The following TRAPPC13 variants were observed in gnomAD, a reference collection of about 807,000 sequenced individuals.
TRAPPC13 encodes the protein trafficking protein particle complex subunit 13.
Under a neutral mutation model 54.0 loss-of-function variants are expected in TRAPPC13, and 39 were observed. The ratio of observed to expected loss-of-function variants is 0.72; its 90% CI spans 0.56 to 0.94. TRAPPC13 has a LOEUF of 0.94. Among genes scored for constraint, TRAPPC13 ranks in the 40% least tolerant of loss-of-function variants. The probability of loss-of-function intolerance (pLI) is 0.00; values close to 1 mark genes in which losing one functional copy is unlikely to be tolerated. For synonymous variants in TRAPPC13, 148 were observed against 167.7 expected, an observed-to-expected ratio of 0.88 and a Z score of 0.91; for missense variants, 386 against 488.1, an observed-to-expected ratio of 0.79 and a Z score of 1.97.
chr5:65,662,371 ATTTG>A, intron 11 of TRAPPC13: 1 of 224,794 alleles, frequency 4.4e-6, no homozygotes, highest in South Asian at 1.2e-4. Context: ...TATTTCATTC[ATTTG>A]TCACACCCTA....
chr5:65,643,113 C>T (rs1025362898), intron 4 of TRAPPC13, among the ~76,000 whole-genome samples: 6 of 151,570 alleles, frequency 4.0e-5, no homozygotes, highest in African/African-American at 1.5e-4. Flanking sequence ...TCGTATTTCA[C>T]CTTCTACCCA....
At chr5:65,647,232 T>G (rs1358392202) in intron 5 of TRAPPC13, 50 bp downstream of exon 5, 1 of 1,505,592 alleles carries the variant, frequency 6.6e-7, no homozygotes, top group Non-Finnish European at 8.9e-7. Flanking sequence ...ATATATGCCT[T>G]TGTTTGAAAT....
In TRAPPC13 at chr5:65,665,348, AG is replaced by A. The variant is rs1757003533; in HGVS notation, c.*738del. 1.3e-5 allele frequency: 2 copies of A among 152,166 alleles called. No individual in the cohort carries two copies. Among genetic ancestry groups the A allele is most frequent in the Non-Finnish European group, 1.5e-5 (1 of 68,030 alleles). 9.4% of individuals were successfully genotyped at this position (152,166 alleles called of 1,614,324 possible). A position where few individuals can be genotyped will look rare whatever the true frequency, so the allele number is the denominator to read the frequency against. ...TCCTAGCTATTCGGTCAGCAGAAAAAGTTTGCTTAAAACAAAGGGGGTAGTC... is the reference window on the plus strand; with the variant it reads ...TCCTAGCTATTCGGTCAGCAGAAAAATTTGCTTAAAACAAAGGGGGTAGTC... On this transcript the variant is annotated 3_prime_UTR_variant, in exon 13 of 13. Transcript: ENST00000399438.
chr5:65,636,144 CT>C (rs5868412), intron 3 of TRAPPC13, 101 bp downstream of exon 3: 23,886 of 500,830 alleles, frequency 0.048, no homozygotes, highest in East Asian at 0.091. Flanking sequence ...ATACATTTAC[CT>C]TTTTTTTTTT....
rs1031038287 is a variant in TRAPPC13, at chr5:65,625,084, G to C, written c.24G>C (p.Gln8His). 1 of 1,613,718 alleles carries C rather than the reference G, an allele frequency of 6.2e-7. No individual in the cohort carries two copies. Among genetic ancestry groups the C allele is most frequent in the Non-Finnish European group, 8.5e-7 (1 of 1,179,776 alleles). ...AAATGGAAGTGAATCCCCCTAAACA[G>C]GAGCACCTGCTGGCGCTAAAAGGTA... is the stretch of plus-strand genomic sequence containing the variant. MEVNPPK[Q>H]EHLLALKVMR... Residue 8 changes from glutamine to histidine, a missense_variant, in exon 1 of 13, where the codon CAG becomes CAC. By Grantham distance (24) the Gln-to-His change is conservative (BLOSUM62 0). Coordinates refer to ENST00000399438, the MANE Select transcript of TRAPPC13 (RefSeq NM_024941.4).
intron 10 of TRAPPC13, chr5:65,661,136 A>C (rs944525134): frequency 6.2e-6 from 2 of 322,166 alleles, no homozygotes; most frequent in Non-Finnish European, 1.1e-5. Flanking sequence ...ATCACACAGA[A>C]ATTAAAATAA....
intron 6 of TRAPPC13, among the ~76,000 whole-genome samples, 188 bp from the exon 7 acceptor site, chr5:65,652,313 A>G (rs1756489648): frequency 6.7e-6 from 1 of 150,162 alleles, no homozygotes; most frequent in South Asian, 2.1e-4. Context: ...CTCTCAAAAA[A>G]TACATTAGGG....
chr5:65,647,270 G>A, intron 5 of TRAPPC13, 88 bp downstream of exon 5: 1 of 1,190,946 alleles, frequency 8.4e-7, no homozygotes, highest in Non-Finnish European at 1.2e-6. Flanking sequence ...TCACCATGAA[G>A]CATAGGAACC....
intron 5 of TRAPPC13, among the ~76,000 whole-genome samples, chr5:65,649,458 AAGAC>A (rs948194181): frequency 2.8e-4 from 42 of 152,344 alleles, no homozygotes; most frequent in African/African-American, 8.4e-4. Context: ...GCAGGGTAGA[AAGAC>A]AGTTTCTCTA....
chr5:65,637,736 G>C lies in TRAPPC13; in HGVS notation c.256G>C (p.Val86Leu). The C allele has an allele frequency of 1.9e-6, 3 of 1,572,414 alleles. No homozygotes were observed. The highest frequency in any genetic ancestry group is 2.6e-6 in the Non-Finnish European group (3 of 1,154,992). ...AGAGACCTTTTCCAGTTATATCAGCGTTCATAATGATAGCAATCAAGTTGT... is the reference window on the plus strand; with the variant it reads ...AGAGACCTTTTCCAGTTATATCAGCCTTCATAATGATAGCAATCAAGTTGT... ...LGETFSSYIS[V>L]HNDSNQVVKD... The change falls in exon 4 of 13, where the codon GTT (valine) becomes CTT (leucine). Residue 86 changes from valine to leucine, a missense_variant. Transcript: ENST00000399438.
rs941779787 is a variant in TRAPPC13 at position 65,664,155 on chromosome 5, T to G, written c.999-82T>G. ...TCTCCTGGATATGGAGAAAACAAGTTTACTGTCACTAGTAGAAATATTGCA... is the reference window on the plus strand; with the variant it reads ...TCTCCTGGATATGGAGAAAACAAGTGTACTGTCACTAGTAGAAATATTGCA... On this transcript the variant is annotated intron_variant, in intron 11 of 12. Coordinates refer to ENST00000399438, the MANE Select transcript of TRAPPC13 (RefSeq NM_024941.4). 7.1e-6 allele frequency: 10 copies of G among 1,406,210 alleles called. No homozygotes were observed. The African/African-American group carries it at 1.2e-4, about 16-fold the overall frequency. 87.1% of individuals were successfully genotyped at this position (1,406,210 alleles called of 1,614,324 possible).
At chr5:65,636,076 T>C (rs1755734037) in intron 3 of TRAPPC13, 33 bp downstream of exon 3, 3 of 1,356,204 alleles carry the variant, frequency 2.2e-6, no homozygotes, top group Non-Finnish European at 2.1e-6. Context: ...AGAAACCTTG[T>C]AAAGCCATTA....
chr5:65,652,477 G>T, intron 6 of TRAPPC13, 24 bp from the exon 7 acceptor site: 1 of 1,555,498 alleles, frequency 6.4e-7, no homozygotes, highest in South Asian at 1.1e-5. Context: ...ACAATCTCCT[G>T]ATTGATATGC....
chr5:65,645,979 A>G (rs1381820880), intron 4 of TRAPPC13, among the ~76,000 whole-genome samples: 1 of 152,134 alleles, frequency 6.6e-6, no homozygotes, highest in Non-Finnish European at 1.5e-5. Flanking sequence ...TTATTCAACA[A>G]ATATTGATTA....
chr5:65,659,600 T>C (rs932921910), intron 9 of TRAPPC13, among the ~76,000 whole-genome samples: 6 of 152,172 alleles, frequency 3.9e-5, no homozygotes, highest in African/African-American at 1.4e-4. Flanking sequence ...GAATAGATGG[T>C]TTAATACTTT....
At chr5:65,648,094 C>G (rs981600177) in intron 5 of TRAPPC13, among the ~76,000 whole-genome samples, 1 of 152,174 alleles carries the variant, frequency 6.6e-6, no homozygotes, top group African/African-American at 2.4e-5. Flanking sequence ...CAACCTAATT[C>G]TTAACAAACC....
intron 1 of TRAPPC13, among the ~76,000 whole-genome samples, chr5:65,632,744 A>G (rs1755595127): frequency 6.6e-6 from 1 of 152,230 alleles, no homozygotes; most frequent in African/African-American, 2.4e-5. Context: ...GCGCTAGTAA[A>G]TGCTCAGTAA....
intron 4 of TRAPPC13, 116 bp from the exon 5 acceptor site, chr5:65,646,939 C>G (rs1756233730): frequency 2.0e-6 from 2 of 1,009,022 alleles, no homozygotes; most frequent in Non-Finnish European, 2.8e-6. Context: ...GTTGCTCCCC[C>G]TTTCATCCTT....
intron 1 of TRAPPC13, among the ~76,000 whole-genome samples, chr5:65,632,152 A>C (rs1158664974): frequency 7.0e-6 from 1 of 142,330 alleles, no homozygotes; most frequent in East Asian, 2.4e-4. Context: ...GGGCGGGGGT[A>C]GGGGGTGGGT....
Sources: allele counts gnomAD v4.1 joint callset (sites outside exome capture counted in the v4.1 genomes callset), GRCh38; gene constraint gnomAD v4.1.1; transcripts MANE v1.5; gene names NCBI Gene and HGNC (gene_info 2026-07-23, HGNC 2026-07-21).